The following KLF12 variants were observed in gnomAD, a reference collection of about 807,000 sequenced individuals.
KLF12 encodes the protein KLF transcription factor 12.
In KLF12, 9 loss-of-function variants were observed where a neutral mutation model predicts 37.8. The ratio of observed to expected loss-of-function variants is 0.24; its 90% CI spans 0.14 to 0.42. KLF12 has a LOEUF of 0.42. KLF12 is among the 10% of genes least tolerant of loss of function. KLF12 has a pLI of 1.00. For missense variants in KLF12, 411 were observed against 516.0 expected, an observed-to-expected ratio of 0.80 and a Z score of 1.97; for synonymous variants, 208 against 202.1, an observed-to-expected ratio of 1.03 and a Z score of -0.25.
chr13:73,823,244 T>C (rs1267081416), intron 4 of KLF12, among the ~76,000 whole-genome samples: 3 of 151,744 alleles, frequency 2.0e-5, no homozygotes, highest in Admixed American at 6.6e-5. Flanking sequence ...ACAGCCCTAG[T>C]CTTAGGTACT....
At chr13:73,739,182 C>T (rs547350112) in intron 6 of KLF12, among the ~76,000 whole-genome samples, 2 of 151,192 alleles carry the variant, frequency 1.3e-5, no homozygotes, top group African/African-American at 2.4e-5. Context: ...TACAGTGAGC[C>T]GAGACTGTGC....
At chr13:74,007,011 T>A (rs929982508) in intron 1 of KLF12, among the ~76,000 whole-genome samples, 3 of 152,168 alleles carry the variant, frequency 2.0e-5, no homozygotes, top group Admixed American at 1.3e-4. Context: ...TTCACAGCCC[T>A]TCTGAAGAGG....
intron 7 of KLF12, among the ~76,000 whole-genome samples, 156 bp downstream of exon 7, chr13:73,715,195 GTTTCTCAAGTTTCTCTC>G (rs1241399810): frequency 1.3e-5 from 2 of 152,034 alleles, no homozygotes; most frequent in Non-Finnish European, 1.5e-5. Flanking sequence ...TACTTCACTG[GTTTCTCAAGTTTCTCTC>G]TTTCTCAAGA....
At chr13:74,245,291 G>C in the KLF12 span, among the ~76,000 whole-genome samples, 1 of 139,610 alleles carries the variant, frequency 7.2e-6, no homozygotes, top group Non-Finnish European at 1.6e-5. Flanking sequence ...TGGGAGATAA[G>C]TTTATCTATC....
intron 1 of KLF12, among the ~76,000 whole-genome samples, chr13:74,037,499 T>C (rs1308319197): frequency 6.6e-6 from 1 of 152,176 alleles, no homozygotes. Flanking sequence ...AACACTCCAA[T>C]TCATTGCGTA....
the KLF12 span, among the ~76,000 whole-genome samples, chr13:74,245,291 GTTTAT>G: frequency 1.4e-5 from 2 of 139,610 alleles, no homozygotes; most frequent in African/African-American, 5.4e-5. Context: ...TGGGAGATAA[GTTTAT>G]CTATCTATCT....
At chr13:74,101,662 TAA>T (rs1403151454) in intron 1 of KLF12, among the ~76,000 whole-genome samples, 1 of 152,124 alleles carries the variant, frequency 6.6e-6, no homozygotes, top group Non-Finnish European at 1.5e-5. Flanking sequence ...AGGATGTGTC[TAA>T]GAGACACAAG....
Position 73,908,489 on chromosome 13 carries a change from G to GT in KLF12, c.123+35491dup, listed in dbSNP as rs371712885. ...GGTTTTCATTTTCTTTTTTTCTTTTGTTTTTTTTTGAGATGGAGTTTCGCT... is the reference window on the plus strand; with the variant it reads ...GGTTTTCATTTTCTTTTTTTCTTTTGTTTTTTTTTTGAGATGGAGTTTCGCT... On this transcript the variant is annotated intron_variant, in intron 3 of 7. Coordinates refer to ENST00000377669, the MANE Select transcript of KLF12 (RefSeq NM_007249.5). 6.1e-4 allele frequency among the ~76,000 whole-genome samples: 81 copies of GT among 131,840 alleles called. 1 individual carries two copies. The Middle Eastern group carries it at 0.011, about 18-fold the overall frequency. The allele number at this position is 131,840 out of a possible 152,430, so 86.5% of individuals were successfully genotyped here.
the KLF12 span, among the ~76,000 whole-genome samples, chr13:74,139,388 G>A: frequency 6.6e-6 from 1 of 152,116 alleles, no homozygotes; most frequent in African/African-American, 2.4e-5. Flanking sequence ...TTGAATCAAT[G>A]AAACAACTAT....
chr13:74,202,822 G>A, the KLF12 span, among the ~76,000 whole-genome samples: 1 of 152,134 alleles, frequency 6.6e-6, no homozygotes, highest in African/African-American at 2.4e-5. Flanking sequence ...TCAGGCATTT[G>A]CTCTGAACCA....
chr13:74,246,914 A>C, the KLF12 span, among the ~76,000 whole-genome samples: 4,950 of 152,272 alleles, frequency 0.033, 117 homozygotes, highest in Middle Eastern at 0.071. Context: ...ATGGTGAAAA[A>C]TCTGAATGCT....
chr13:73,720,991 A>T (rs1050742191), intron 6 of KLF12, among the ~76,000 whole-genome samples: 1 of 152,252 alleles, frequency 6.6e-6, no homozygotes, highest in African/African-American at 2.4e-5. Flanking sequence ...AAGGAGCTTT[A>T]GTAAATTCAC....
At chr13:74,258,810 G>A in the KLF12 span, 4 of 152,286 alleles carry the variant, frequency 2.6e-5, no homozygotes, top group African/African-American at 9.6e-5. Flanking sequence ...AGTTTCCCCA[G>A]AAGCAGACTA....
At chr13:73,903,101 C>A (rs1469663209) in intron 3 of KLF12, among the ~76,000 whole-genome samples, 2 of 152,176 alleles carry the variant, frequency 1.3e-5, no homozygotes, top group African/African-American at 4.8e-5. Flanking sequence ...TATATTTTTT[C>A]ATCTGGGTTA....
At chr13:74,149,192 A>G in the KLF12 span, among the ~76,000 whole-genome samples, 1 of 152,182 alleles carries the variant, frequency 6.6e-6, no homozygotes, top group Non-Finnish European at 1.5e-5. Flanking sequence ...GAGGTCATCT[A>G]TATGCTGACA....
At chr13:73,867,546 A>G (rs1473283190) in intron 3 of KLF12, among the ~76,000 whole-genome samples, 5 of 152,082 alleles carry the variant, frequency 3.3e-5, no homozygotes, top group African/African-American at 1.2e-4. Flanking sequence ...AGATTTTAGC[A>G]TAACTCACTC....
chr13:74,218,088 C>T, the KLF12 span, among the ~76,000 whole-genome samples: 1 of 152,154 alleles, frequency 6.6e-6, no homozygotes, highest in Admixed American at 6.5e-5. Flanking sequence ...TTTTATTATA[C>T]TTGCTGCAAA....
At chr13:74,115,667 T>A (rs1877255308) in intron 1 of KLF12, among the ~76,000 whole-genome samples, 1 of 149,338 alleles carries the variant, frequency 6.7e-6, no homozygotes, top group Non-Finnish European at 1.5e-5. Context: ...ATCATGCCAC[T>A]GTACTCCAGC....
At chr13:74,086,322 T>A (rs1292903755) in intron 1 of KLF12, among the ~76,000 whole-genome samples, 1 of 135,570 alleles carries the variant, frequency 7.4e-6, no homozygotes, top group Non-Finnish European at 1.5e-5. Context: ...CCTGTGTCCA[T>A]GTGTTCTCAT....
Sources: allele counts gnomAD v4.1 joint callset (sites outside exome capture counted in the v4.1 genomes callset), GRCh38; gene constraint gnomAD v4.1.1; transcripts MANE v1.5; gene names NCBI Gene and HGNC (gene_info 2026-07-23, HGNC 2026-07-21).